Variants in COL24A1 observed in about 807,000 individuals in gnomAD.
COL24A1 encodes the protein collagen type XXIV alpha 1 chain.
COL24A1 carries 224 observed loss-of-function variants against 253.9 expected under a neutral mutation model. The observed-to-expected ratio is 0.88, with a 90% confidence interval of 0.79 to 0.99. COL24A1 has a LOEUF of 0.99. COL24A1 is among the 50% of genes least tolerant of loss of function. The pLI, the probability that COL24A1 is intolerant of heterozygous loss-of-function variation, is 0.00. For missense variants in COL24A1, 2,131 were observed against 2,068.5 expected (o/e 1.03, Z -0.59); for synonymous variants, 685 against 673.7 (o/e 1.02, Z -0.26).
chr1:86,133,640 G>T (rs1288126597), intron 2 of COL24A1, among the ~76,000 whole-genome samples: 1 of 152,162 alleles, frequency 6.6e-6, no homozygotes, highest in Non-Finnish European at 1.5e-5. Context: ...CTGTTTATAT[G>T]CTGGATTACG....
rs1244678439 is a variant in COL24A1, at chr1:86,126,223, T to G, written c.122-9A>C. ...ATGAAGAATATCTATGCCTGGAAATTTAAAAAAGAGAGAGAGAAAGAATCT... is the reference window on the plus strand; with the variant it reads ...ATGAAGAATATCTATGCCTGGAAATGTAAAAAAGAGAGAGAGAAAGAATCT... On this transcript the variant is annotated splice_polypyrimidine_tract_variant and intron_variant, in intron 2 of 59. Transcript: ENST00000370571. The G allele has an allele frequency of 2.1e-5, 33 of 1,559,040 alleles. No homozygotes were observed. Among genetic ancestry groups the G allele is most frequent in the Non-Finnish European group, 2.8e-5 (32 of 1,162,546 alleles).
chr1:85,896,154 A>G (rs886164629), intron 29 of COL24A1, 89 bp from the exon 30 acceptor site: 5 of 1,366,248 alleles, frequency 3.7e-6, no homozygotes, highest in Non-Finnish European at 5.1e-6. Flanking sequence ...CTCACATACA[A>G]AAAAGACAGT....
At chr1:86,135,300 T>G (rs1650048542) in intron 2 of COL24A1, among the ~76,000 whole-genome samples, 1 of 152,142 alleles carries the variant, frequency 6.6e-6, no homozygotes, top group African/African-American at 2.4e-5. Context: ...TGACTCTTTA[T>G]CCAATTTGCC....
At chr1:86,024,672 ATGT>A (rs1324585346) in intron 14 of COL24A1, among the ~76,000 whole-genome samples, 1 of 152,202 alleles carries the variant, frequency 6.6e-6, no homozygotes, top group African/African-American at 2.4e-5. Context: ...ATTTCAAATT[ATGT>A]CAATAGGAAA....
At chr1:85,811,912 CTG>C (rs1011740531) in intron 47 of COL24A1, among the ~76,000 whole-genome samples, 8 of 152,286 alleles carry the variant, frequency 5.3e-5, no homozygotes, top group Middle Eastern at 3.4e-3. Flanking sequence ...TCAGAAGGCT[CTG>C]TAGCTGGTAG....
chr1:86,046,802 T>A, intron 12 of COL24A1, 23 bp downstream of exon 12: 1 of 1,611,250 alleles, frequency 6.2e-7, no homozygotes, highest in Non-Finnish European at 8.5e-7. Flanking sequence ...AAAATAAACC[T>A]CAAAAAACAC....
chr1:85,911,248 A>C (rs1685332654), intron 25 of COL24A1, 132 bp downstream of exon 25: 1 of 674,234 alleles, frequency 1.5e-6, no homozygotes, highest in South Asian at 2.0e-5. Flanking sequence ...AATATATTTA[A>C]GATATTCAGT....
intron 52 of COL24A1, among the ~76,000 whole-genome samples, chr1:85,776,607 T>C (rs551802833): frequency 6.6e-6 from 1 of 152,094 alleles, no homozygotes; most frequent in South Asian, 2.1e-4. Flanking sequence ...AAATATTTAA[T>C]AATCTTACCT....
intron 7 of COL24A1, among the ~76,000 whole-genome samples, chr1:86,088,330 C>G (rs1181721191): frequency 2.5e-4 from 38 of 152,148 alleles, no homozygotes. Flanking sequence ...GACAACAACA[C>G]AGCTCATTAT....
intron 32 of COL24A1, among the ~76,000 whole-genome samples, chr1:85,881,121 T>A (rs1681784638): frequency 6.6e-6 from 1 of 152,236 alleles, no homozygotes; most frequent in Admixed American, 6.5e-5. Context: ...TATCATATGT[T>A]CTTTAAATGT....
Position 86,056,143 on chromosome 1 carries a change from C to T in COL24A1, c.1851+1788G>A, listed in dbSNP as rs117304743. ...AAAAAAAAAAAAAAAGCCTATCTAA[C>T]TCCACAGCCCATGTTCTTGACCACT... is the stretch of plus-strand genomic sequence containing the variant. On this transcript the variant is annotated intron_variant, in intron 10 of 59. Transcript: ENST00000370571. 2.5e-3 allele frequency among the ~76,000 whole-genome samples: 374 copies of T among 151,120 alleles called. 10 individuals carry two copies. In the East Asian group the frequency reaches 0.046, roughly 19 times the overall value.
chr1:86,114,167 A>G (rs1705895708), intron 4 of COL24A1, among the ~76,000 whole-genome samples: 1 of 152,200 alleles, frequency 6.6e-6, no homozygotes, highest in Non-Finnish European at 1.5e-5. Context: ...TAAAGTTGCA[A>G]CTTTTAAGTT....
chr1:85,871,902 C>G (rs1424777729), intron 35 of COL24A1, among the ~76,000 whole-genome samples: 2 of 152,174 alleles, frequency 1.3e-5, no homozygotes, highest in Non-Finnish European at 2.9e-5. Flanking sequence ...AAGAGGAAGT[C>G]AAATTGTCCC....
intron 3 of COL24A1, among the ~76,000 whole-genome samples, chr1:86,117,841 C>A (rs905455797): frequency 1.3e-5 from 2 of 152,156 alleles, no homozygotes; most frequent in African/African-American, 4.8e-5. Flanking sequence ...AATGGTTTTG[C>A]AATCATACAA....
intron 7 of COL24A1, among the ~76,000 whole-genome samples, chr1:86,079,266 C>T (rs1232769827): frequency 6.6e-6 from 1 of 152,130 alleles, no homozygotes; most frequent in African/African-American, 2.4e-5. Flanking sequence ...AATAATGAAA[C>T]TTGATCCCTA....
At chr1:86,024,937 T>C (rs1697883019) in intron 14 of COL24A1, among the ~76,000 whole-genome samples, 1 of 152,146 alleles carries the variant, frequency 6.6e-6, no homozygotes, top group Non-Finnish European at 1.5e-5. Flanking sequence ...ATGAATGTAC[T>C]TTGTATATAT....
chr1:86,082,463 A>T (rs942205444), intron 7 of COL24A1, among the ~76,000 whole-genome samples: 2 of 151,988 alleles, frequency 1.3e-5, no homozygotes, highest in Non-Finnish European at 2.9e-5. Context: ...GAATCATCTT[A>T]GATGTCACCT....
chr1:85,803,453 C>CAAACA lies in COL24A1; in HGVS notation c.3951+13330_3951+13334dup, dbSNP rs570227421. ...TCAAAAAAAAAAAAAAAACCATAAA[C>CAAACA]AAACAAAACAAAACAAAACAAAAAC... On this transcript the variant is annotated intron_variant, in intron 47 of 59. Coordinates refer to ENST00000370571, the MANE Select transcript of COL24A1 (RefSeq NM_152890.7). 8.0e-3 allele frequency among the ~76,000 whole-genome samples: 1,173 copies of CAAACA among 147,114 alleles called. 49 individuals are homozygous for CAAACA. The highest frequency in any genetic ancestry group is 0.061 in the Admixed American group (902 of 14,670).
intron 43 of COL24A1, 106 bp downstream of exon 43, chr1:85,838,479 A>T: frequency 3.1e-6 from 3 of 968,794 alleles, no homozygotes; most frequent in Non-Finnish European, 4.8e-6. Context: ...TAGGATTAAA[A>T]ACATAAGACA....
Sources: gnomAD v4.1 joint callset for allele counts (sites outside exome capture counted in the v4.1 genomes callset) on GRCh38, gnomAD v4.1.1 for gene constraint, MANE v1.5 for transcripts, NCBI Gene and HGNC (gene_info 2026-07-23, HGNC 2026-07-21) for gene names.